ADAMTSL3: variants seen among roughly 807,000 people sequenced by gnomAD.
The protein encoded by ADAMTSL3 is ADAMTS-like protein 3.
Under a neutral mutation model 201.7 loss-of-function variants are expected in ADAMTSL3, and 128 were observed. That is an observed-to-expected ratio of 0.63 (90% CI 0.55 to 0.73). The LOEUF is 0.73. Among genes scored for constraint, ADAMTSL3 ranks in the 30% least tolerant of loss-of-function variants. The probability of loss-of-function intolerance (pLI) is 0.00; values close to 1 mark genes in which losing one functional copy is unlikely to be tolerated. For missense variants in ADAMTSL3, 1,990 were observed against 2,119.6 expected (o/e 0.94, Z 1.20); for synonymous variants, 738 against 748.4 (o/e 0.99, Z 0.23).
Position 83,900,400 on chromosome 15 carries a change from G to T in ADAMTSL3, c.1700+669G>T, listed in dbSNP as rs1312544675. On this transcript the variant is annotated intron_variant, in intron 15 of 29. Coordinates refer to ENST00000286744, the MANE Select transcript of ADAMTSL3 (RefSeq NM_207517.3). Reference sequence around the variant, plus strand: ...AAGAGGAAATCAAAGAAGCATTCTGGAGGCAGTTATATAGGGACAAAAAGA... The same window carrying T: ...AAGAGGAAATCAAAGAAGCATTCTGTAGGCAGTTATATAGGGACAAAAAGA... Among the ~76,000 whole-genome samples, 3 of 152,222 alleles carry T rather than the reference G, an allele frequency of 2.0e-5. No homozygotes were observed. In the South Asian group the frequency reaches 6.2e-4, roughly 32 times the overall value.
intron 3 of ADAMTSL3, among the ~76,000 whole-genome samples, chr15:83,753,536 A>G (rs551435235): frequency 6.6e-6 from 1 of 152,328 alleles, no homozygotes. Context: ...ATTCTTGATG[A>G]GTCGTTGGCA....
chr15:83,815,320 A>G (rs1192292755), intron 5 of ADAMTSL3, among the ~76,000 whole-genome samples: 1 of 152,236 alleles, frequency 6.6e-6, no homozygotes, highest in Non-Finnish European at 1.5e-5. Context: ...AATACCAGTG[A>G]TAACACTTGT....
At chr15:83,859,715 TC>T (rs939347317) in intron 8 of ADAMTSL3, among the ~76,000 whole-genome samples, 6 of 152,172 alleles carry the variant, frequency 3.9e-5, no homozygotes, top group African/African-American at 1.4e-4. Flanking sequence ...CCCCAACTAT[TC>T]TGTAGTGGGC....
At chr15:83,928,002 G>T (rs1372860987) in intron 17 of ADAMTSL3, among the ~76,000 whole-genome samples, 1 of 151,058 alleles carries the variant, frequency 6.6e-6, no homozygotes, top group Non-Finnish European at 1.5e-5. Context: ...TTGAGATAGG[G>T]TCTCTCTCTG....
intron 7 of ADAMTSL3, among the ~76,000 whole-genome samples, chr15:83,847,646 C>T (rs112310634): frequency 0.028 from 4,223 of 152,140 alleles, 176 homozygotes; most frequent in African/African-American, 0.098. Flanking sequence ...CAGTCACGTG[C>T]CACCATGCCC....
At chr15:83,694,690 C>T (rs1228954884) in intron 2 of ADAMTSL3, among the ~76,000 whole-genome samples, 1 of 152,142 alleles carries the variant, frequency 6.6e-6, no homozygotes, top group Non-Finnish European at 1.5e-5. Flanking sequence ...TTAAATAACC[C>T]CTTGTGAAAT....
At position 83,870,050 on chromosome 15, in the gene ADAMTSL3, TG is replaced by T. The variant is rs1033653105; in HGVS notation, c.803-751del. 1.4e-4 allele frequency among the ~76,000 whole-genome samples: 22 copies of T among 152,314 alleles called. 1 individual carries two copies. The highest frequency in any genetic ancestry group is 4.6e-4 in the Admixed American group (7 of 15,290). ...GACAGAAATTTAAATAAAGTACAAA[TG>T]TTTTTTTGTTTAAACTGTGATAAGC... On this transcript the variant is annotated intron_variant, in intron 8 of 29. Coordinates refer to ENST00000286744, the MANE Select transcript of ADAMTSL3 (RefSeq NM_207517.3).
At chr15:83,861,886 G>T (rs1174848341) in intron 8 of ADAMTSL3, 1 of 152,150 alleles carries the variant, frequency 6.6e-6, no homozygotes, top group Admixed American at 6.5e-5. Flanking sequence ...CAAATTAGAC[G>T]AATGGCTAAC....
chr15:84,028,947 G>C (rs965715251), intron 27 of ADAMTSL3, among the ~76,000 whole-genome samples: 3 of 152,160 alleles, frequency 2.0e-5, no homozygotes, highest in Non-Finnish European at 4.4e-5. Context: ...TGTGAAGAAA[G>C]TTCCTTGCTT....
At chr15:83,805,583 T>A (rs565958795) in intron 5 of ADAMTSL3, among the ~76,000 whole-genome samples, 4 of 151,886 alleles carry the variant, frequency 2.6e-5, no homozygotes, top group African/African-American at 2.4e-5. Context: ...ATAAATAAAT[T>A]GAAAATAAAA....
chr15:83,813,417 GA>G (rs1190796042), intron 5 of ADAMTSL3, among the ~76,000 whole-genome samples: 2 of 151,378 alleles, frequency 1.3e-5, no homozygotes, highest in South Asian at 2.1e-4. Context: ...AGACACTAAA[GA>G]AAAAAAAATT....
At chr15:83,840,235 G>A (rs1223135165) in intron 7 of ADAMTSL3, among the ~76,000 whole-genome samples, 1 of 152,086 alleles carries the variant, frequency 6.6e-6, no homozygotes, top group African/African-American at 2.4e-5. Flanking sequence ...GACCCCAAAG[G>A]AATAAGTAAT....
At chr15:84,021,298 A>G (rs2068200532) in intron 25 of ADAMTSL3, 112 bp from the exon 26 acceptor site, 3 of 1,119,316 alleles carry the variant, frequency 2.7e-6, no homozygotes, top group East Asian at 4.7e-5. Flanking sequence ...TTCTCTCCAT[A>G]TGCTACTTAA....
intron 23 of ADAMTSL3, 71 bp downstream of exon 23, chr15:83,991,285 A>G (rs895955353): frequency 1.3e-5 from 20 of 1,599,390 alleles, no homozygotes; most frequent in Non-Finnish European, 1.7e-5. Flanking sequence ...TGTTGCCAGG[A>G]AACACCAGCT....
At chr15:83,744,224 A>G (rs1254816236) in intron 3 of ADAMTSL3, among the ~76,000 whole-genome samples, 1 of 152,194 alleles carries the variant, frequency 6.6e-6, no homozygotes, top group Non-Finnish European at 1.5e-5. Context: ...CTTAATTCTA[A>G]TAGTTCCAGA....
chr15:84,014,753 A>C, intron 24 of ADAMTSL3, 29 bp downstream of exon 24: 1 of 1,583,480 alleles, frequency 6.3e-7, no homozygotes, highest in Non-Finnish European at 8.6e-7. Flanking sequence ...TTGCTCCTTA[A>C]GTGCCTCCTG....
chr15:83,952,816 A>G (rs2066782491), intron 19 of ADAMTSL3, among the ~76,000 whole-genome samples: 1 of 151,972 alleles, frequency 6.6e-6, no homozygotes, highest in Non-Finnish European at 1.5e-5. Context: ...AAAAAAAAAA[A>G]AAAAAGAAAA....
intron 12 of ADAMTSL3, 80 bp from the exon 13 acceptor site, chr15:83,892,604 G>A (rs1567218899): frequency 2.9e-6 from 4 of 1,382,224 alleles, no homozygotes; most frequent in East Asian, 2.5e-5. Context: ...ATACCTTAAG[G>A]CCATACTTTT....
intron 4 of ADAMTSL3, among the ~76,000 whole-genome samples, chr15:83,785,532 GGAGTCT>G (rs1425541055): frequency 1.3e-5 from 2 of 152,068 alleles, no homozygotes; most frequent in African/African-American, 4.8e-5. Context: ...TCTGCCCATA[GGAGTCT>G]TTATTTTTTC....
Sources: gnomAD v4.1 joint callset for allele counts (sites outside exome capture counted in the v4.1 genomes callset) on GRCh38, gnomAD v4.1.1 for gene constraint, MANE v1.5 for transcripts, NCBI Gene and HGNC (gene_info 2026-07-23, HGNC 2026-07-21) for gene names.